The following AMPD3 variants were observed in gnomAD, a reference collection of about 807,000 sequenced individuals.
AMPD3 encodes the protein adenosine monophosphate deaminase 3.
AMPD3 carries 57 observed loss-of-function variants against 82.3 expected under a neutral mutation model. The observed-to-expected ratio is 0.69, with a 90% CI of 0.56 to 0.86. AMPD3 has a LOEUF of 0.86. AMPD3 is among the 40% of genes least tolerant of loss of function. The pLI is 0.00. For missense variants in AMPD3, 870 were observed against 1,003.8 expected (o/e 0.87, Z 1.80); for synonymous variants, 381 against 394.7 (o/e 0.97, Z 0.41).
At chr11:10,467,092 A>C (rs1848443232) in intron 2 of AMPD3, among the ~76,000 whole-genome samples, 1 of 152,146 alleles carries the variant, frequency 6.6e-6, no homozygotes, top group East Asian at 1.9e-4. Context: ...AATTCCAAAA[A>C]CCAGAATGCC....
chr11:10,468,528 T>C (rs1848488845), intron 2 of AMPD3, among the ~76,000 whole-genome samples: 1 of 152,144 alleles, frequency 6.6e-6, no homozygotes, highest in African/African-American at 2.4e-5. Flanking sequence ...AAGCAAGTCT[T>C]AGAGACCTAC....
At chr11:10,478,797 G>A (rs1848817839) in intron 3 of AMPD3, 67 bp downstream of exon 3, 1 of 1,534,654 alleles carries the variant, frequency 6.5e-7, no homozygotes, top group Admixed American at 1.7e-5. Flanking sequence ...TGGGCCACAG[G>A]GTCGTGCCTC....
In AMPD3 at chr11:10,496,848, T is replaced by C. The variant is rs1260491733; in HGVS notation, c.1467T>C (p.Phe489=). The C allele has an allele frequency of 2.5e-6, 4 of 1,614,060 alleles. No individual in the cohort carries two copies. The African/African-American group carries it at 5.3e-5, about 22-fold the overall frequency. Reference sequence around the variant, plus strand: ...GGTCAAAGAAGCTGCTGCCAAACTTTGGGAAGATGCTGGAGAACATCTTCC... The same window carrying C: ...GGTCAAAGAAGCTGCTGCCAAACTTCGGGAAGATGCTGGAGAACATCTTCC... ...IFRSKKLLPN[F]GKMLENIFLP... The change falls in exon 10 of 15, where the codon TTT becomes TTC. Residue 489 remains phenylalanine, a synonymous_variant. Transcript: ENST00000396553.
intron 2 of AMPD3, chr11:10,476,829 G>A (rs1419918135): frequency 2.5e-6 from 2 of 803,476 alleles, no homozygotes; most frequent in Non-Finnish European, 3.0e-6. Context: ...ATGCTTGGCT[G>A]AGCTCCATTT....
chr11:10,504,133 T>G, intron 13 of AMPD3: 1 of 805,122 alleles, frequency 1.2e-6, no homozygotes, highest in Non-Finnish European at 1.5e-6. Flanking sequence ...TATCTATCTA[T>G]CTATCTATCT....
intron 2 of AMPD3, among the ~76,000 whole-genome samples, chr11:10,462,241 A>G (rs79463233): frequency 0.067 from 10,188 of 152,274 alleles, 502 homozygotes; most frequent in South Asian, 0.21. Context: ...GGGTCCAACT[A>G]GAAGATCAGA....
At chr11:10,455,155 A>C (rs529693612), upstream of AMPD3, 1 of 985,394 alleles carries the variant, frequency 1.0e-6, no homozygotes, top group South Asian at 4.7e-5. Context: ...TCTTCTCCCC[A>C]GGATTTCAAC....
upstream of AMPD3, among the ~76,000 whole-genome samples, chr11:10,453,231 G>A (rs533952219): frequency 7.9e-4 from 121 of 152,274 alleles, no homozygotes; most frequent in Non-Finnish European, 1.3e-3. Context: ...GATTACAGGC[G>A]TGAGCCACCA....
chr11:10,493,983 A>G (rs1461376204), intron 7 of AMPD3, among the ~76,000 whole-genome samples: 2 of 152,264 alleles, frequency 1.3e-5, no homozygotes, highest in African/African-American at 2.4e-5. Context: ...ATTTCTAGGT[A>G]TATACCCAAA....
chr11:10,499,956 T>C, intron 10 of AMPD3, 130 bp from the exon 11 acceptor site: 2 of 1,526,840 alleles, frequency 1.3e-6, no homozygotes. Context: ...GGCCAAGGGG[T>C]CCCCAGCTGA....
chr11:10,488,409 T>C (rs946070748), intron 6 of AMPD3: 2 of 985,056 alleles, frequency 2.0e-6, no homozygotes, highest in African/African-American at 3.5e-5. Context: ...GGAATGGAAG[T>C]GGTGGCATTC....
chr11:10,486,231 C>G (rs1393690241), intron 5 of AMPD3, among the ~76,000 whole-genome samples: 1 of 152,152 alleles, frequency 6.6e-6, no homozygotes, highest in Non-Finnish European at 1.5e-5. Flanking sequence ...CTGAGGCTGT[C>G]CTGTGCTCCG....
chr11:10,478,220 A>G (rs1848796177), intron 2 of AMPD3: 2 of 985,348 alleles, frequency 2.0e-6, no homozygotes, highest in Non-Finnish European at 2.4e-6. Flanking sequence ...AGCCCCTGCC[A>G]TGTGGTCTGC....
At chr11:10,495,520 C>G (rs1258288749) in intron 8 of AMPD3, 50 bp from the exon 9 acceptor site, 8 of 1,611,780 alleles carry the variant, frequency 5.0e-6, no homozygotes, top group African/African-American at 1.3e-5. Context: ...GTGAGAGTCT[C>G]CCATGTAGCT....
intron 11 of AMPD3, chr11:10,501,146 A>G (rs1849568256): frequency 1.0e-6 from 1 of 985,068 alleles, no homozygotes; most frequent in Non-Finnish European, 1.2e-6. Context: ...GTGGTTTCTC[A>G]TGGCCTTCCC....
intron 12 of AMPD3, 170 bp from the exon 13 acceptor site, chr11:10,502,551 G>A (rs916096418): frequency 5.1e-6 from 5 of 985,238 alleles, no homozygotes; most frequent in Non-Finnish European, 6.0e-6. Context: ...GGGAAGGGGA[G>A]AGTGGGTCTG....
intron 2 of AMPD3, among the ~76,000 whole-genome samples, chr11:10,476,623 A>G (rs867520639): frequency 6.6e-6 from 1 of 152,132 alleles, no homozygotes. Context: ...AAAAACAGTG[A>G]GCTGGAAGGC....
At chr11:10,497,071 G>A (rs1049509793) in intron 10 of AMPD3, 133 bp downstream of exon 10, 23 of 1,177,452 alleles carry the variant, frequency 2.0e-5, no homozygotes, top group Non-Finnish European at 2.8e-5. Flanking sequence ...TCCAGGCGTG[G>A]GGTCACCAGC....
chr11:10,498,633 G>T (rs1245686399), intron 10 of AMPD3, among the ~76,000 whole-genome samples: 1 of 152,222 alleles, frequency 6.6e-6, no homozygotes, highest in Non-Finnish European at 1.5e-5. Flanking sequence ...GACACACAGG[G>T]CTCTGTGACA....
Sources: allele counts gnomAD v4.1 joint callset (sites outside exome capture counted in the v4.1 genomes callset), GRCh38; gene constraint gnomAD v4.1.1; transcripts MANE v1.5; gene names NCBI Gene and HGNC (gene_info 2026-07-23, HGNC 2026-07-21).